Variants in KIF26B observed in about 807,000 individuals in gnomAD.
KIF26B encodes the protein kinesin family member 26B.
In KIF26B, 63 loss-of-function variants were observed where a neutral mutation model predicts 151.2. The ratio of observed to expected loss-of-function variants is 0.42; its 90% CI spans 0.34 to 0.51. The LOEUF (loss-of-function observed/expected upper bound fraction) is 0.51. Among genes scored for constraint, KIF26B ranks in the 20% least tolerant of loss-of-function variants. KIF26B has a pLI of 0.07. For missense variants in KIF26B, 2,813 were observed against 2,913.6 expected, an observed-to-expected ratio of 0.97 and a Z score of 0.79; for synonymous variants, 1,357 against 1,262.1, an observed-to-expected ratio of 1.08 and a Z score of -1.59.
chr1:245,463,644 G>A (rs558161501), intron 4 of KIF26B, among the ~76,000 whole-genome samples: 19 of 152,296 alleles, frequency 1.2e-4, no homozygotes, highest in Admixed American at 9.1e-4. Flanking sequence ...CCCACGACTG[G>A]TGAGTCCCGC....
chr1:245,219,487 C>A (rs1340115778), intron 2 of KIF26B, among the ~76,000 whole-genome samples: 1 of 152,036 alleles, frequency 6.6e-6, no homozygotes, highest in East Asian at 2.0e-4. Flanking sequence ...AATCCCAGCA[C>A]TTTGAGAGGC....
chr1:245,271,282 A>G (rs1439559813), intron 2 of KIF26B, among the ~76,000 whole-genome samples: 4 of 151,990 alleles, frequency 2.6e-5, no homozygotes, highest in African/African-American at 9.7e-5. Context: ...GTTTTTTTCT[A>G]TTCTTCAAAA....
At chr1:245,337,858 G>T (rs1446047831) in intron 2 of KIF26B, among the ~76,000 whole-genome samples, 3 of 152,186 alleles carry the variant, frequency 2.0e-5, no homozygotes, top group African/African-American at 7.2e-5. Context: ...TTCTTTAAAA[G>T]AAACTTATCA....
intron 4 of KIF26B, among the ~76,000 whole-genome samples, chr1:245,484,221 T>G (rs1213902775): frequency 6.6e-6 from 1 of 151,922 alleles, no homozygotes; most frequent in Non-Finnish European, 1.5e-5. Context: ...TGGGTTACAC[T>G]TTAACTCACT....
intron 2 of KIF26B, among the ~76,000 whole-genome samples, chr1:245,359,461 G>A (rs1672768359): frequency 6.6e-6 from 1 of 152,194 alleles, no homozygotes; most frequent in African/African-American, 2.4e-5. Flanking sequence ...GAGAAATGAG[G>A]AAGCGTTTTC....
chr1:245,403,205 T>A (rs2103027977), intron 3 of KIF26B, among the ~76,000 whole-genome samples: 1 of 152,232 alleles, frequency 6.6e-6, no homozygotes, highest in South Asian at 2.1e-4. Context: ...ACTCCTAGGC[T>A]CAAGTGATCC....
intron 2 of KIF26B, among the ~76,000 whole-genome samples, chr1:245,203,469 G>A (rs1669342293): frequency 6.6e-6 from 1 of 152,088 alleles, no homozygotes; most frequent in Non-Finnish European, 1.5e-5. Flanking sequence ...TTCAAGATGT[G>A]TCCATCTGCA....
intron 4 of KIF26B, among the ~76,000 whole-genome samples, chr1:245,436,503 G>A (rs1037907670): frequency 6.6e-6 from 1 of 152,200 alleles, no homozygotes; most frequent in Non-Finnish European, 1.5e-5. Context: ...TGATCGTGGG[G>A]GTTGGCAAGT....
chr1:245,335,681 G>C (rs1156609655), intron 2 of KIF26B, among the ~76,000 whole-genome samples: 2 of 149,160 alleles, frequency 1.3e-5, no homozygotes, highest in Non-Finnish European at 3.0e-5. Flanking sequence ...GGAAAGAAGG[G>C]TCCCACGCGG....
At position 245,352,710 on chromosome 1, in the gene KIF26B, G is replaced by C. The variant is rs1402650313; in HGVS notation, c.466-14124G>C. 6.6e-6 allele frequency among the ~76,000 whole-genome samples: 1 copy of C among 152,140 alleles called. No homozygotes were observed. Among genetic ancestry groups the C allele is most frequent in the East Asian group, 1.9e-4 (1 of 5,200 alleles). On this transcript the variant is annotated intron_variant, in intron 2 of 14. Transcript: ENST00000407071. The surrounding 1 kb of genome is among the most constrained non-coding windows in gnomAD (Gnocchi z 5.0). The stretch of plus-strand genomic sequence containing the variant: ...CAAGGAAAAGTGATAGAGGCAGGTG[G>C]GGACGGGGAGGTGAGTTTTCTTCGC...
chr1:245,168,920 C>G (rs545507823), intron 2 of KIF26B, among the ~76,000 whole-genome samples: 1 of 152,202 alleles, frequency 6.6e-6, no homozygotes, highest in African/African-American at 2.4e-5. Context: ...CCAAGGTTGC[C>G]TCTTTAAAAT....
chr1:245,361,389 G>A (rs1672815283), intron 2 of KIF26B, among the ~76,000 whole-genome samples: 1 of 152,204 alleles, frequency 6.6e-6, no homozygotes, highest in South Asian at 2.1e-4. Flanking sequence ...TCCTCCTCTG[G>A]AGAGTGTTTT....
At chr1:245,317,440 T>C (rs1435242967) in intron 2 of KIF26B, among the ~76,000 whole-genome samples, 1 of 152,222 alleles carries the variant, frequency 6.6e-6, no homozygotes, top group Non-Finnish European at 1.5e-5. Context: ...CCGTTTGTTT[T>C]GGGCACTGCT....
intron 10 of KIF26B, among the ~76,000 whole-genome samples, chr1:245,649,858 G>A (rs1458690177): frequency 7.9e-5 from 12 of 152,200 alleles, no homozygotes. Flanking sequence ...TTTGTCATGT[G>A]AGCAAGCTGG....
At chr1:245,403,992 T>G (rs892495687) in intron 3 of KIF26B, among the ~76,000 whole-genome samples, 2 of 152,154 alleles carry the variant, frequency 1.3e-5, no homozygotes, top group African/African-American at 4.8e-5. Context: ...GCCTGATTGA[T>G]TCCAGACTCT....
chr1:245,261,808 C>G (rs1670650930), intron 2 of KIF26B, among the ~76,000 whole-genome samples: 1 of 151,826 alleles, frequency 6.6e-6, no homozygotes, highest in Non-Finnish European at 1.5e-5. Flanking sequence ...GCCTCAGATT[C>G]CTGGGCTCAA....
At chr1:245,345,193 T>C (rs763527688) in intron 2 of KIF26B, among the ~76,000 whole-genome samples, 2 of 152,100 alleles carry the variant, frequency 1.3e-5, no homozygotes, top group Non-Finnish European at 2.9e-5. Flanking sequence ...CTTGCAGGTG[T>C]TTTCTATAAT....
chr1:245,695,077 G>A (rs1162453680), intron 12 of KIF26B, among the ~76,000 whole-genome samples: 8 of 152,270 alleles, frequency 5.3e-5, no homozygotes, highest in Non-Finnish European at 8.8e-5. Flanking sequence ...GACCCCACTC[G>A]CAGCCTGGAA....
intron 5 of KIF26B, among the ~76,000 whole-genome samples, chr1:245,576,099 G>C (rs759762965): frequency 6.6e-6 from 1 of 152,100 alleles, no homozygotes; most frequent in Non-Finnish European, 1.5e-5. Flanking sequence ...TGGCTCTTGA[G>C]TGCCCCATTT....
Sources: allele counts gnomAD v4.1 joint callset (sites outside exome capture counted in the v4.1 genomes callset), GRCh38; gene constraint gnomAD v4.1.1; non-coding constraint Gnocchi (gnomAD v3.1); transcripts MANE v1.5; gene names NCBI Gene and HGNC (gene_info 2026-07-23, HGNC 2026-07-21).